SYT12: variants seen among roughly 807,000 people sequenced by gnomAD.
The protein encoded by SYT12 is synaptotagmin 12.
In SYT12, 27 loss-of-function variants were observed where a neutral mutation model predicts 39.5. The observed-to-expected ratio is 0.68, with a 90% confidence interval of 0.50 to 0.94. The LOEUF is 0.94. SYT12 is among the 40% of genes least tolerant of loss of function. SYT12 has a pLI of 0.00. For missense variants in SYT12, 536 were observed against 572.6 expected (o/e 0.94, Z 0.65); for synonymous variants, 233 against 239.7 (o/e 0.97, Z 0.26).
chr11:67,010,487 C>T (rs1257727605), intron 2 of SYT12, among the ~76,000 whole-genome samples: 1 of 152,184 alleles, frequency 6.6e-6, no homozygotes, highest in Non-Finnish European at 1.5e-5. Context: ...ACCCTCGGGT[C>T]CCCCCACCCC....
intron 7 of SYT12, among the ~76,000 whole-genome samples, chr11:67,048,016 C>T (rs920748365): frequency 1.3e-5 from 2 of 149,560 alleles, no homozygotes; most frequent in African/African-American, 4.9e-5. Context: ...TGGTCTCGAC[C>T]TCCTGACCTC....
At chr11:67,025,809 G>C (rs951395319) in intron 1 of SYT12, among the ~76,000 whole-genome samples, 1 of 152,106 alleles carries the variant, frequency 6.6e-6, no homozygotes, top group African/African-American at 2.4e-5. Flanking sequence ...CGTGGAGGAG[G>C]GGGTAGTAAC....
intron 4 of SYT12, among the ~76,000 whole-genome samples, chr11:67,040,540 G>A (rs1300407557): frequency 2.6e-5 from 4 of 152,156 alleles, no homozygotes; most frequent in Admixed American, 1.3e-4. Context: ...TTTGGGGAGG[G>A]CTTAATAACA....
intron 2 of SYT12, among the ~76,000 whole-genome samples, chr11:67,034,183 C>G (rs1001221818): frequency 5.3e-5 from 8 of 152,164 alleles, no homozygotes; most frequent in African/African-American, 1.2e-4. Flanking sequence ...CAAAGAAACC[C>G]TATTTCTCCC....
At chr11:67,029,809 G>A (rs1033821666) in intron 1 of SYT12, 7 of 232,086 alleles carry the variant, frequency 3.0e-5, no homozygotes, top group Non-Finnish European at 5.0e-5. Flanking sequence ...CCGAGATCGC[G>A]CCACTGCACT....
chr11:67,018,637 A>G (rs1019922553), upstream of SYT12, among the ~76,000 whole-genome samples: 2 of 152,174 alleles, frequency 1.3e-5, no homozygotes, highest in Admixed American at 6.5e-5. Context: ...CCTGGCTAAC[A>G]TGGTGAAACC....
At chr11:67,035,842 CTTTCTTT>C (rs1565337431) in intron 3 of SYT12, among the ~76,000 whole-genome samples, 1,964 of 93,438 alleles carry the variant, frequency 0.021, 26 homozygotes, top group East Asian at 0.023. Flanking sequence ...TCCTTCCTTT[CTTTCTTT>C]CTTTCTTTCT....
rs190470065 is a variant in SYT12, at chr11:67,045,829, G to A, written c.1044G>A (p.Pro348=). The A allele has an allele frequency of 8.1e-5, 131 of 1,613,876 alleles. No homozygotes were observed. The South Asian group carries it at 1.1e-3, about 13-fold the overall frequency. The change falls in exon 7 of 8, where the codon CCG becomes CCA. Residue 348 remains proline (P), a synonymous_variant. Transcript: ENST00000527043. ...KTAVKRDDPN[P]VFNEAMIFSV... ...CCGTGAAGAGGGATGACCCCAACCC[G>A]GTGTTCAACGAAGCCATGATCTTCT...
chr11:67,036,745 G>C (rs966399538), intron 3 of SYT12, among the ~76,000 whole-genome samples: 3 of 151,166 alleles, frequency 2.0e-5, no homozygotes, highest in African/African-American at 7.3e-5. Context: ...AGACCAGCCT[G>C]GCCAACATGG....
intron 3 of SYT12, among the ~76,000 whole-genome samples, chr11:67,015,198 G>A (rs1950047623): frequency 6.6e-6 from 1 of 152,234 alleles, no homozygotes; most frequent in Admixed American, 6.5e-5. Flanking sequence ...CCGGTGACAG[G>A]TGGAAAGGCA....
At chr11:67,034,957 T>A in intron 3 of SYT12, 119 bp downstream of exon 3, 1 of 696,840 alleles carries the variant, frequency 1.4e-6, no homozygotes, top group Non-Finnish European at 2.2e-6. Flanking sequence ...AATGTCCTCC[T>A]TTGAAAGGGG....
chr11:67,031,447 G>A (rs1174878804), intron 2 of SYT12: 2 of 152,320 alleles, frequency 1.3e-5, no homozygotes, highest in Non-Finnish European at 2.9e-5. Flanking sequence ...TTCCTCATCT[G>A]TAAAATGGGG....
At chr11:67,024,332 A>T (rs1591356953) in intron 1 of SYT12, among the ~76,000 whole-genome samples, 1 of 152,130 alleles carries the variant, frequency 6.6e-6, no homozygotes, top group African/African-American at 2.4e-5. Context: ...AGGGCAGGAG[A>T]CCCACCGAAG....
intron 3 of SYT12, among the ~76,000 whole-genome samples, chr11:67,011,909 G>A (rs1454060149): frequency 6.6e-6 from 1 of 151,746 alleles, no homozygotes; most frequent in Non-Finnish European, 1.5e-5. Flanking sequence ...GGGATTAATG[G>A]CGCCCACCAC....
At chr11:67,014,799 C>T (rs1057175195) in intron 3 of SYT12, among the ~76,000 whole-genome samples, 2 of 152,134 alleles carry the variant, frequency 1.3e-5, no homozygotes, top group African/African-American at 4.8e-5. Context: ...CAAACCTGGC[C>T]AGGTTCCCTG....
intron 3 of SYT12, among the ~76,000 whole-genome samples, chr11:67,035,635 T>G (rs1488534296): frequency 6.6e-6 from 1 of 150,400 alleles, no homozygotes; most frequent in South Asian, 2.1e-4. Flanking sequence ...TTTTTTGTAT[T>G]TTTAGTAGAG....
intron 4 of SYT12, among the ~76,000 whole-genome samples, chr11:67,042,610 C>T (rs1306757316): frequency 6.6e-6 from 1 of 152,194 alleles, no homozygotes; most frequent in Non-Finnish European, 1.5e-5. Flanking sequence ...ATAAAGCACA[C>T]GCTCAGAGAA....
At position 67,043,654 on chromosome 11, in the gene SYT12, A is replaced by C; in HGVS notation, c.638A>C (p.Tyr213Ser). 6.2e-7 allele frequency: 1 copy of C among 1,613,770 alleles called. No individual in the cohort carries two copies. Among genetic ancestry groups the C allele is most frequent in the Non-Finnish European group, 8.5e-7 (1 of 1,179,958 alleles). The part of the protein sequence containing the change: ...VGISRIQRNA[Y>S]SIFFDEKFSI... ...CTCCTGCAGATCCAGAGAAATGCCT[A>C]CTCCATCTTCTTTGATGAGAAGTTC... The change falls in exon 5 of 8, where the codon TAC (tyrosine) becomes TCC (serine). Residue 213 changes from tyrosine (Y) to serine (S), a missense_variant. Transcript: ENST00000527043.
intron 1 of SYT12, among the ~76,000 whole-genome samples, chr11:67,007,723 C>T (rs945173253): frequency 4.6e-5 from 7 of 151,450 alleles, no homozygotes; most frequent in Non-Finnish European, 8.8e-5. Context: ...TGCCACCATG[C>T]CCAGCTAATT....
Sources: allele counts gnomAD v4.1 joint callset (sites outside exome capture counted in the v4.1 genomes callset), GRCh38; gene constraint gnomAD v4.1.1; transcripts MANE v1.5; gene names NCBI Gene and HGNC (gene_info 2026-07-23, HGNC 2026-07-21).